PDE9A: variants seen among roughly 807,000 people sequenced by gnomAD.
PDE9A encodes phosphodiesterase 9A.
A neutral mutation model predicts 87.4 loss-of-function variants in PDE9A; 60 were observed. The observed-to-expected ratio is 0.69, with a 90% confidence interval of 0.56 to 0.85. The LOEUF is 0.85. Ranked by LOEUF, PDE9A falls within the 40% of genes least tolerant of loss-of-function variation. The probability of loss-of-function intolerance (pLI) is 0.00; values close to 1 mark genes in which losing one functional copy is unlikely to be tolerated. For missense variants in PDE9A, 665 were observed against 779.0 expected (o/e 0.85, Z 1.74); for synonymous variants, 272 against 279.4 (o/e 0.97, Z 0.27).
At chr21:42,761,275 C>T (rs943494962) in intron 13 of PDE9A, among the ~76,000 whole-genome samples, 3 of 152,236 alleles carry the variant, frequency 2.0e-5, no homozygotes, top group Admixed American at 1.3e-4. Flanking sequence ...CTCAGGAGCT[C>T]GCCTCTCCCT....
chr21:42,670,000 A>T (rs751074545), intron 1 of PDE9A, among the ~76,000 whole-genome samples: 2 of 152,134 alleles, frequency 1.3e-5, no homozygotes, highest in Non-Finnish European at 2.9e-5. Context: ...GGGTGCTTCA[A>T]CAGATGCATG....
chr21:42,699,236 C>T (rs553148141), intron 4 of PDE9A, among the ~76,000 whole-genome samples: 1 of 152,346 alleles, frequency 6.6e-6, no homozygotes, highest in East Asian at 1.9e-4. Context: ...AGGGCTCTGC[C>T]TTTCTAACCC....
chr21:42,745,740 CCT>C (rs1282690357), intron 8 of PDE9A, among the ~76,000 whole-genome samples: 5 of 152,254 alleles, frequency 3.3e-5, no homozygotes, highest in African/African-American at 1.2e-4. Context: ...GCAGGGTTCC[CCT>C]CTGCCCAGAG....
intron 1 of PDE9A, among the ~76,000 whole-genome samples, chr21:42,657,257 T>G (rs2057146494): frequency 6.6e-6 from 1 of 152,232 alleles, no homozygotes; most frequent in African/African-American, 2.4e-5. Flanking sequence ...TCCCGTCATC[T>G]GTTCCTTGGC....
chr21:42,710,229 A>G (rs929213013), intron 4 of PDE9A, among the ~76,000 whole-genome samples: 6 of 151,920 alleles, frequency 3.9e-5, no homozygotes, highest in African/African-American at 1.2e-4. Context: ...CCAACATGGC[A>G]AAACCCCATC....
At chr21:42,678,083 C>T (rs192296657) in intron 1 of PDE9A, among the ~76,000 whole-genome samples, 9 of 152,360 alleles carry the variant, frequency 5.9e-5, no homozygotes, top group Admixed American at 2.6e-4. Flanking sequence ...GAAATATTCG[C>T]GGCAGCTGCA....
intron 4 of PDE9A, among the ~76,000 whole-genome samples, chr21:42,715,877 G>C (rs568511651): frequency 6.6e-6 from 1 of 151,720 alleles, no homozygotes; most frequent in East Asian, 1.9e-4. Flanking sequence ...AGACAGAATC[G>C]GTTCACTGCC....
chr21:42,686,201 A>G lies in PDE9A; in HGVS notation c.79A>G (p.Ser27Gly). ...IDGRIQKVIFSKYCNSSDIMD... is the reference protein window; with the variant it reads ...IDGRIQKVIFGKYCNSSDIMD... The stretch of plus-strand genomic sequence containing the variant: ...CGCTTCTGTTTTGCAGGTAATCTTC[A>G]GCAAGTACTGCAACTCCAGCGACAT... The change falls in exon 2 of 20, where the codon AGC becomes GGC. Residue 27 changes from serine to glycine, a missense_variant. By Grantham distance (56) the Ser-to-Gly change is moderately conservative. Coordinates refer to ENST00000291539, the MANE Select transcript of PDE9A (RefSeq NM_002606.3). The G allele has an allele frequency of 6.2e-7, 1 of 1,613,846 alleles. No individual in the cohort carries two copies. The highest frequency in any genetic ancestry group is 8.5e-7 in the Non-Finnish European group (1 of 1,179,740).
chr21:42,699,271 G>C (rs1393194862), intron 4 of PDE9A, among the ~76,000 whole-genome samples: 1 of 152,206 alleles, frequency 6.6e-6, no homozygotes, highest in Non-Finnish European at 1.5e-5. Context: ...TCTGCCTGGG[G>C]TTAGCCTCCC....
chr21:42,731,899 G>A lies in PDE9A; in HGVS notation c.392G>A (p.Arg131Lys), dbSNP rs765027852. 1 of 1,614,164 alleles carries A rather than the reference G, an allele frequency of 6.2e-7. No homozygotes were observed. The highest frequency in any genetic ancestry group is 8.5e-7 in the Non-Finnish European group (1 of 1,180,004). Residue 131 changes from arginine to lysine, a missense_variant, in exon 5 of 20, where the codon AGG becomes AAG. By Grantham distance (26) the Arg-to-Lys change is conservative. Transcript: ENST00000291539. ...TTTGAAAGTGGACAGGTAGAGCCCA[G>A]GCCCAGAGAGCCCCAGGGCTGCTAC... ...GAFESGQVEPRPREPQGCYQE... is the reference protein window; with the variant it reads ...GAFESGQVEPKPREPQGCYQE...
chr21:42,697,993 C>T (rs1417873946), intron 3 of PDE9A, among the ~76,000 whole-genome samples: 1 of 152,224 alleles, frequency 6.6e-6, no homozygotes, highest in African/African-American at 2.4e-5. Context: ...CACCTGACCA[C>T]AGTGGGCACT....
intron 14 of PDE9A, among the ~76,000 whole-genome samples, chr21:42,765,027 A>T (rs796950147): frequency 6.8e-6 from 1 of 146,746 alleles, no homozygotes; most frequent in South Asian, 2.2e-4. Context: ...GGATGGGTGG[A>T]TGGGTGGATG....
In PDE9A at chr21:42,732,104, G is replaced by A. The variant is rs1044085071; in HGVS notation, c.477G>A (p.Gln159=). The A allele has an allele frequency of 4.3e-6, 7 of 1,614,076 alleles. No homozygotes were observed. Among genetic ancestry groups the A allele is most frequent in the Non-Finnish European group, 5.9e-6 (7 of 1,180,004 alleles). ...REELIQSVLA[Q]VAEQFSRAFK... is the part of the protein sequence containing the mutation. ...AATTAATCCAGAGCGTGCTGGCGCA[G>A]GTTGCAGAGCAGTTCTCAAGGTACA... The change falls in exon 6 of 20, where the codon CAG becomes CAA. Residue 159 remains glutamine, a synonymous_variant. Coordinates refer to ENST00000291539, the MANE Select transcript of PDE9A (RefSeq NM_002606.3).
chr21:42,667,018 C>G (rs1366469356), intron 1 of PDE9A, among the ~76,000 whole-genome samples: 2 of 152,250 alleles, frequency 1.3e-5, no homozygotes. Flanking sequence ...CCACTCCCCC[C>G]CGCCCCAACC....
rs551395849 is a variant in PDE9A, at chr21:42,686,952, G to C, written c.140+690G>C. The stretch of plus-strand genomic sequence containing the variant: ...CATAGGTGCCTTTTCTACCCAGGGG[G>C]CTTGACCCAGATCAACACTGGGTGA... On this transcript the variant is annotated intron_variant, in intron 2 of 19. Transcript: ENST00000291539. Among the ~76,000 whole-genome samples, 599 of 152,066 alleles carry C rather than the reference G, an allele frequency of 3.9e-3. 2 individuals carry two copies. The highest frequency in any genetic ancestry group is 5.8e-3 in the Non-Finnish European group (393 of 67,978).
intron 7 of PDE9A, among the ~76,000 whole-genome samples, chr21:42,735,626 C>T (rs528874307): frequency 1.3e-5 from 2 of 152,304 alleles, no homozygotes; most frequent in East Asian, 1.9e-4. Context: ...TGTGTCTACA[C>T]GTGATGACAT....
At chr21:42,670,468 A>G (rs1357283867) in intron 1 of PDE9A, among the ~76,000 whole-genome samples, 7 of 151,910 alleles carry the variant, frequency 4.6e-5, no homozygotes, top group Middle Eastern at 3.4e-3. Context: ...AGACTTGCAC[A>G]TAGACTTACA....
At position 42,754,075 on chromosome 21, in the gene PDE9A, G is replaced by A. The variant is rs375221157; in HGVS notation, c.810+11G>A. ...TGGGAGCCCAATGAGGTAAGTGCGG[G>A]GCTTGCAGGCACCACGTCCCAGGGG... On this transcript the variant is annotated intron_variant, in intron 10 of 19. Transcript: ENST00000291539. The A allele has an allele frequency of 6.3e-7, 1 of 1,599,298 alleles. No homozygotes were observed. The highest frequency in any genetic ancestry group is 1.3e-5 in the African/African-American group (1 of 74,622).
intron 7 of PDE9A, among the ~76,000 whole-genome samples, chr21:42,743,383 C>T (rs1427230820): frequency 2.0e-5 from 3 of 152,274 alleles, no homozygotes; most frequent in Admixed American, 6.5e-5. Flanking sequence ...TCTGGCACCA[C>T]ATGTGCCCCC....
Sources: allele counts gnomAD v4.1 joint callset (sites outside exome capture counted in the v4.1 genomes callset), GRCh38; gene constraint gnomAD v4.1.1; transcripts MANE v1.5; gene names NCBI Gene and HGNC (gene_info 2026-07-23, HGNC 2026-07-21).